TMEM132D: variants seen among roughly 807,000 people sequenced by gnomAD.
TMEM132D encodes the protein transmembrane protein 132D, also known as mature OL transmembrane protein.
In TMEM132D, 21 loss-of-function variants were observed where a neutral mutation model predicts 62.3. The ratio of observed to expected loss-of-function variants is 0.34; its 90% CI spans 0.24 to 0.49. The LOEUF (loss-of-function observed/expected upper bound fraction) is 0.49, where lower values mean the gene tolerates loss of function less well. Among genes scored for constraint, TMEM132D ranks in the 20% least tolerant of loss-of-function variants. The pLI is 0.99. For missense variants in TMEM132D, 1,346 were observed against 1,402.8 expected, an observed-to-expected ratio of 0.96 and a Z score of 0.65; for synonymous variants, 621 against 575.6, an observed-to-expected ratio of 1.08 and a Z score of -1.13.
chr12:129,318,980 G>A (rs757757470), intron 4 of TMEM132D, among the ~76,000 whole-genome samples: 7 of 152,058 alleles, frequency 4.6e-5, no homozygotes, highest in South Asian at 2.1e-4. Flanking sequence ...TGTGCCCTCC[G>A]CAACAGTCTG....
chr12:129,106,646 C>T (rs1763467544), intron 5 of TMEM132D, among the ~76,000 whole-genome samples: 1 of 152,136 alleles, frequency 6.6e-6, no homozygotes, highest in African/African-American at 2.4e-5. Context: ...GATCTCCTCC[C>T]ACTTTCCTCC....
chr12:129,247,632 C>T (rs372747236), intron 4 of TMEM132D, among the ~76,000 whole-genome samples: 5 of 152,296 alleles, frequency 3.3e-5, no homozygotes, highest in South Asian at 2.1e-4. Flanking sequence ...GTGGAACAAA[C>T]GAGAGACACA....
chr12:129,369,129 C>T (rs1353052726), intron 3 of TMEM132D, among the ~76,000 whole-genome samples: 1 of 152,178 alleles, frequency 6.6e-6, no homozygotes, highest in African/African-American at 2.4e-5. Context: ...TCGACTTGGA[C>T]CTTTGTTCTA....
At chr12:129,473,889 T>C (rs1874179742) in intron 3 of TMEM132D, among the ~76,000 whole-genome samples, 2 of 152,140 alleles carry the variant, frequency 1.3e-5, no homozygotes, top group African/African-American at 4.8e-5. Flanking sequence ...AACAAAAACG[T>C]CCCAATGAGC....
At position 129,351,922 on chromosome 12, in the gene TMEM132D, G is replaced by C. The variant is rs531655754; in HGVS notation, c.1116-14105C>G. ...ACCCTGAATGCAAGACACCCTCGCA[G>C]TTAGGCAGGAATATCATCACTCCTA... On this transcript the variant is annotated intron_variant, in intron 3 of 8. Coordinates refer to ENST00000422113, the MANE Select transcript of TMEM132D (RefSeq NM_133448.3). Among the ~76,000 whole-genome samples, 46 of 152,300 alleles carry C rather than the reference G, an allele frequency of 3.0e-4. 1 individual carries two copies. The Middle Eastern group carries it at 0.014, about 45-fold the overall frequency.
chr12:129,293,382 A>C (rs1013461507), intron 4 of TMEM132D, among the ~76,000 whole-genome samples: 1 of 152,086 alleles, frequency 6.6e-6, no homozygotes, highest in Non-Finnish European at 1.5e-5. Flanking sequence ...CATGCTTTGG[A>C]AGTGTATTCT....
intron 5 of TMEM132D, among the ~76,000 whole-genome samples, chr12:129,124,177 A>T (rs1226586056): frequency 2.0e-5 from 3 of 152,110 alleles, no homozygotes; most frequent in Admixed American, 1.3e-4. Flanking sequence ...CGTGGCTCCC[A>T]TGTGGCCTCA....
chr12:129,234,667 A>G (rs1203888334), intron 4 of TMEM132D, among the ~76,000 whole-genome samples: 1 of 152,224 alleles, frequency 6.6e-6, no homozygotes, highest in Non-Finnish European at 1.5e-5. Context: ...TCGTTAAAAT[A>G]TGCTAAGCTC....
intron 2 of TMEM132D, among the ~76,000 whole-genome samples, chr12:129,564,025 CA>C (rs1380861480): frequency 2.0e-4 from 30 of 152,256 alleles, no homozygotes; most frequent in Non-Finnish European, 1.5e-4. Context: ...TACTTTTAAA[CA>C]TTGAAAATAT....
chr12:129,629,308 G>C (rs1879298398), intron 2 of TMEM132D, among the ~76,000 whole-genome samples: 1 of 152,140 alleles, frequency 6.6e-6, no homozygotes. Context: ...ATGCTCCCTG[G>C]TGGCACTTTC....
chr12:129,837,711 G>A (rs1484704651), intron 1 of TMEM132D, among the ~76,000 whole-genome samples: 1 of 152,084 alleles, frequency 6.6e-6, no homozygotes, highest in Admixed American at 6.6e-5. Flanking sequence ...AAACGTAAAC[G>A]CAGATGATTT....
intron 2 of TMEM132D, among the ~76,000 whole-genome samples, chr12:129,610,643 T>C (rs1878749596): frequency 1.3e-5 from 2 of 152,234 alleles, no homozygotes; most frequent in East Asian, 3.9e-4. Context: ...ATTGCTTGCA[T>C]AGAGCCATGT....
chr12:129,246,698 A>G (rs1307762481), intron 4 of TMEM132D, among the ~76,000 whole-genome samples: 2 of 151,964 alleles, frequency 1.3e-5, no homozygotes, highest in African/African-American at 4.8e-5. Flanking sequence ...CTTGGGAGGC[A>G]GAGATTGCAG....
At chr12:129,362,179 C>T (rs114386863) in intron 3 of TMEM132D, among the ~76,000 whole-genome samples, 194 of 152,244 alleles carry the variant, frequency 1.3e-3, no homozygotes, top group African/African-American at 4.3e-3. Context: ...GATCGGTTCC[C>T]AATCAAATCT....
chr12:129,678,534 A>G (rs771705096), intron 2 of TMEM132D, among the ~76,000 whole-genome samples: 12 of 152,158 alleles, frequency 7.9e-5, no homozygotes, highest in Non-Finnish European at 1.5e-4. Context: ...AACAACAGCC[A>G]TTCTTCATAC....
rs755706078 is a variant in TMEM132D at position 129,700,303 on chromosome 12, G to T, written c.475C>A (p.Arg159Ser). Residue 159 changes from arginine (R) to serine (S), a missense_variant, in exon 2 of 9, where the codon CGC becomes AGC. Physicochemically the swap from Arg to Ser is moderately radical, Grantham distance 110 (BLOSUM62 -1). Coordinates refer to ENST00000422113, the MANE Select transcript of TMEM132D (RefSeq NM_133448.3). ...FHIMGRDWDDRSAGEKLPCLR... is the reference protein window; with the variant it reads ...FHIMGRDWDDSSAGEKLPCLR... ...CACGGCAGCTTCTCCCCGGCGCTGC[G>T]GTCGTCCCAGTCTCTGCCCATGATG... 3.1e-6 allele frequency: 5 copies of T among 1,613,678 alleles called. No homozygotes were observed. In the Middle Eastern group the frequency reaches 5.0e-4, roughly 160 times the overall value.
intron 1 of TMEM132D, among the ~76,000 whole-genome samples, chr12:129,761,120 C>G (rs991779632): frequency 6.6e-6 from 1 of 151,944 alleles, no homozygotes; most frequent in African/African-American, 2.4e-5. Context: ...ATGTGGTAAA[C>G]GCTGGTTTGG....
chr12:129,897,218 C>T (rs1875170441), intron 1 of TMEM132D, among the ~76,000 whole-genome samples: 1 of 152,230 alleles, frequency 6.6e-6, no homozygotes, highest in Non-Finnish European at 1.5e-5. Context: ...TGAGAGGCCG[C>T]ACCATATCAT....
chr12:129,738,759 G>A (rs771885265), intron 1 of TMEM132D, among the ~76,000 whole-genome samples: 2 of 152,126 alleles, frequency 1.3e-5, no homozygotes, highest in Non-Finnish European at 1.5e-5. Flanking sequence ...CCTTGAGCAC[G>A]GTAGCACCAG....
Sources: gnomAD v4.1 joint callset for allele counts (sites outside exome capture counted in the v4.1 genomes callset) on GRCh38, gnomAD v4.1.1 for gene constraint, MANE v1.5 for transcripts, NCBI Gene and HGNC (gene_info 2026-07-23, HGNC 2026-07-21) for gene names.